The following RUNX2 variants were observed in gnomAD, a reference collection of about 807,000 sequenced individuals.
The protein encoded by RUNX2 is runt-related transcription factor 2.
A neutral mutation model predicts 51.7 loss-of-function variants in RUNX2; 10 were observed. That is an observed-to-expected ratio of 0.19 (90% CI 0.12 to 0.33). The LOEUF (loss-of-function observed/expected upper bound fraction) is 0.33, where lower values mean the gene tolerates loss of function less well. Among genes scored for constraint, RUNX2 ranks in the 10% least tolerant of loss-of-function variants. The probability of loss-of-function intolerance (pLI) is 1.00; values close to 1 mark genes in which losing one functional copy is unlikely to be tolerated. For synonymous variants in RUNX2, 276 were observed against 273.6 expected (o/e 1.01, Z -0.09); for missense variants, 562 against 691.3 (o/e 0.81, Z 2.10).
chr6:45,459,605 T>C (rs572646875), intron 5 of RUNX2, among the ~76,000 whole-genome samples: 51 of 152,376 alleles, frequency 3.3e-4, no homozygotes, highest in Middle Eastern at 3.4e-3. Context: ...CCCTGCCATA[T>C]GACAGACATT....
At chr6:45,328,609 C>G in intron 1 of RUNX2, 52 bp from the exon 2 acceptor site, 1 of 1,607,180 alleles carries the variant, frequency 6.2e-7, no homozygotes, top group South Asian at 1.1e-5. Flanking sequence ...TCTATGTACT[C>G]CAGGCATACT....
At chr6:45,370,908 A>C (rs1795954326) in intron 2 of RUNX2, among the ~76,000 whole-genome samples, 1 of 152,112 alleles carries the variant, frequency 6.6e-6, no homozygotes, top group Non-Finnish European at 1.5e-5. Flanking sequence ...TCACAGAAAA[A>C]TTGAGTTTAA....
intron 2 of RUNX2, among the ~76,000 whole-genome samples, chr6:45,397,348 A>T (rs1188074656): frequency 1.3e-5 from 2 of 151,888 alleles, no homozygotes; most frequent in Non-Finnish European, 2.9e-5. Context: ...TGACCTTGTG[A>T]TCTGCCCACC....
At chr6:45,520,460 T>C (rs1437110544) in intron 7 of RUNX2, among the ~76,000 whole-genome samples, 3 of 152,224 alleles carry the variant, frequency 2.0e-5, no homozygotes, top group Admixed American at 6.5e-5. Flanking sequence ...GTTATGTGAC[T>C]GCTTAGTTGT....
rs766342521 is a variant in RUNX2, at chr6:45,422,707, A to AGC, written c.173_174insGC (p.Gln59HisfsTer86). 1 of 1,596,030 alleles carries AGC rather than the reference A, an allele frequency of 6.3e-7. No homozygotes were observed. Among genetic ancestry groups the AGC allele is most frequent in the East Asian group, 2.3e-5 (1 of 43,266 alleles). The stretch of plus-strand genomic sequence containing the variant: ...CAGCAGCAGCAACAGCAGCAGCAGC[A>AGC]ACAGCAGCAGCAGCAGCAGCAACAG... On this transcript the variant is annotated frameshift_variant, in exon 3 of 9. Transcript: ENST00000647337. LOFTEE classifies it high-confidence loss of function.
At chr6:45,381,342 G>A (rs1323917433) in intron 2 of RUNX2, among the ~76,000 whole-genome samples, 2 of 152,068 alleles carry the variant, frequency 1.3e-5, no homozygotes, top group African/African-American at 4.8e-5. Flanking sequence ...CTTCAAAATG[G>A]GAATAGCCAA....
chr6:45,367,545 C>T (rs575796077), intron 2 of RUNX2, among the ~76,000 whole-genome samples: 1 of 151,794 alleles, frequency 6.6e-6, no homozygotes, highest in South Asian at 2.1e-4. Context: ...GGACAAAATG[C>T]GAAAAAAAGG....
In RUNX2 at chr6:45,521,967, T is replaced by A. The variant is rs1264731222; in HGVS notation, c.1021+9560T>A. On this transcript the variant is annotated intron_variant, in intron 7 of 8. Coordinates refer to ENST00000647337, the MANE Select transcript of RUNX2 (RefSeq NM_001024630.4). Reference sequence around the variant, plus strand: ...CAATTATTTACTTTTAGAGCTGTTTTTTTGTAGATCCAAATATGATACTTT... The same window carrying A: ...CAATTATTTACTTTTAGAGCTGTTTATTTGTAGATCCAAATATGATACTTT... 2.0e-5 allele frequency among the ~76,000 whole-genome samples: 3 copies of A among 152,250 alleles called. No homozygotes were observed. In the South Asian group the frequency reaches 6.2e-4, roughly 31 times the overall value.
At chr6:45,494,707 A>G (rs1800594763) in intron 6 of RUNX2, among the ~76,000 whole-genome samples, 1 of 152,288 alleles carries the variant, frequency 6.6e-6, no homozygotes, top group Admixed American at 6.5e-5. Flanking sequence ...CTGTGACCCA[A>G]TTTTTAAAGG....
At chr6:45,394,518 A>G (rs1393642957) in intron 2 of RUNX2, among the ~76,000 whole-genome samples, 2 of 152,176 alleles carry the variant, frequency 1.3e-5, no homozygotes, top group African/African-American at 4.8e-5. Context: ...GTGAGTATAA[A>G]GGACCCTAAC....
chr6:45,376,848 T>TACATACATATATATATAC (rs1377320349), intron 2 of RUNX2, among the ~76,000 whole-genome samples: 3 of 152,186 alleles, frequency 2.0e-5, no homozygotes, highest in African/African-American at 7.2e-5. Flanking sequence ...TCCTTCCAAA[T>TACATACATATATATATAC]ACATACATAC....
intron 2 of RUNX2, among the ~76,000 whole-genome samples, chr6:45,336,043 T>C (rs1398966126): frequency 6.6e-6 from 1 of 151,342 alleles, no homozygotes; most frequent in Non-Finnish European, 1.5e-5. Context: ...TTTTGATCAT[T>C]AATCCAACCT....
chr6:45,341,557 T>C (rs1365333458), intron 2 of RUNX2, among the ~76,000 whole-genome samples: 1 of 152,198 alleles, frequency 6.6e-6, no homozygotes, highest in Non-Finnish European at 1.5e-5. Context: ...TTAGTTTTCA[T>C]TAGAAACATC....
chr6:45,498,378 C>T (rs1276295187), intron 6 of RUNX2, among the ~76,000 whole-genome samples: 2 of 152,192 alleles, frequency 1.3e-5, no homozygotes, highest in Non-Finnish European at 2.9e-5. Flanking sequence ...AGCAAGCACT[C>T]ACCTTCATCC....
intron 7 of RUNX2, among the ~76,000 whole-genome samples, chr6:45,517,071 T>C (rs544270450): frequency 1.9e-4 from 29 of 152,308 alleles, no homozygotes; most frequent in African/African-American, 7.0e-4. Flanking sequence ...ACCTTTCTGA[T>C]GCTTTCTGGA....
At chr6:45,544,621 C>G (rs12207936) in intron 7 of RUNX2, among the ~76,000 whole-genome samples, 3,118 of 152,316 alleles carry the variant, frequency 0.02, 34 homozygotes, top group Non-Finnish European at 0.033. Flanking sequence ...CTTTCTGATA[C>G]ACGCTGTTCA....
chr6:45,445,207 G>A (rs1191413107), intron 5 of RUNX2, among the ~76,000 whole-genome samples: 1 of 151,994 alleles, frequency 6.6e-6, no homozygotes, highest in Admixed American at 6.6e-5. Flanking sequence ...TGTATTTTTA[G>A]TGGAGACGGG....
chr6:45,435,642 G>T (rs1372359163), intron 4 of RUNX2, among the ~76,000 whole-genome samples: 1 of 152,200 alleles, frequency 6.6e-6, no homozygotes, highest in Non-Finnish European at 1.5e-5. Flanking sequence ...ACAGGCGTGA[G>T]CCACCGCGCC....
Position 45,339,368 on chromosome 6 carries a change from A to G in RUNX2, c.58+10584A>G, listed in dbSNP as rs73735377. ...ATAAATTAGCCAAGATTGTGAGCCA[A>G]TAGATAGCCAACTTTTAATACTCCT... is the stretch of plus-strand genomic sequence containing the variant. On this transcript the variant is annotated intron_variant, in intron 2 of 8. Coordinates refer to ENST00000647337, the MANE Select transcript of RUNX2 (RefSeq NM_001024630.4). 3.9e-3 allele frequency among the ~76,000 whole-genome samples: 597 copies of G among 152,310 alleles called. 7 individuals carry two copies. The highest frequency in any genetic ancestry group is 0.014 in the African/African-American group (569 of 41,580).
Sources: gnomAD v4.1 joint callset for allele counts (sites outside exome capture counted in the v4.1 genomes callset) on GRCh38, gnomAD v4.1.1 for gene constraint, MANE v1.5 for transcripts, NCBI Gene and HGNC (gene_info 2026-07-23, HGNC 2026-07-21) for gene names.